UNC45B: variants seen among roughly 807,000 people sequenced by gnomAD.
UNC45B encodes protein unc-45 homolog B.
In UNC45B, 78 loss-of-function variants were observed where a neutral mutation model predicts 98.7. The observed-to-expected ratio is 0.79, with a 90% confidence interval of 0.66 to 0.95. The LOEUF (loss-of-function observed/expected upper bound fraction) is 0.95, where lower values mean the gene tolerates loss of function less well. UNC45B is among the 40% of genes least tolerant of loss of function. UNC45B has a pLI of 0.00. For missense variants in UNC45B, 1,225 were observed against 1,184.9 expected, an observed-to-expected ratio of 1.03 and a Z score of -0.50; for synonymous variants, 462 against 480.4, an observed-to-expected ratio of 0.96 and a Z score of 0.50.
chr17:35,152,807 T>G (rs936772710), intron 4 of UNC45B, 86 bp from the exon 5 acceptor site: 4 of 1,003,084 alleles, frequency 4.0e-6, no homozygotes, highest in Non-Finnish European at 6.4e-6. Context: ...AGTAGACACC[T>G]GATATTTACT....
intron 3 of UNC45B, 103 bp from the exon 4 acceptor site, chr17:35,149,945 C>A: frequency 8.0e-7 from 1 of 1,249,174 alleles, no homozygotes; most frequent in Non-Finnish European, 1.1e-6. Flanking sequence ...CCAAGGAAGA[C>A]ACAGAAACGA....
intron 7 of UNC45B, among the ~76,000 whole-genome samples, chr17:35,157,011 G>A (rs1453444127): frequency 6.6e-6 from 1 of 152,104 alleles, no homozygotes; most frequent in Non-Finnish European, 1.5e-5. Context: ...CAGGTCCTAG[G>A]CATCAATTTA....
intron 3 of UNC45B, 90 bp downstream of exon 3, chr17:35,149,099 C>T (rs577110242): frequency 2.2e-4 from 319 of 1,465,076 alleles, no homozygotes; most frequent in Non-Finnish European, 3.0e-4. Context: ...GGGGAAGAAA[C>T]AGTGAGTATG....
chr17:35,148,732 G>A (rs1187089154), intron 2 of UNC45B, among the ~76,000 whole-genome samples: 2 of 151,946 alleles, frequency 1.3e-5, no homozygotes, highest in South Asian at 2.1e-4. Flanking sequence ...GGGATCCAGA[G>A]GGCTTCATTC....
rs775210912 is a variant in UNC45B, at chr17:35,148,400, A to T, written c.137A>T (p.Tyr46Phe). 2 of 1,613,850 alleles carry T rather than the reference A, an allele frequency of 1.2e-6. No homozygotes were observed. Among genetic ancestry groups the T allele is most frequent in the African/African-American group, 1.3e-5 (1 of 74,928 alleles). The change falls in exon 2 of 20, where the codon TAT (tyrosine) becomes TTT (phenylalanine). Residue 46 changes from tyrosine to phenylalanine, a missense_variant. Tyr to Phe is a conservative substitution (Grantham distance 22). Coordinates refer to ENST00000394570, the MANE Select transcript of UNC45B (RefSeq NM_001267052.2). ...GACAAGGCCCTGCTGGCCACGCTTT[A>T]TCGGAACCGGGCAGCCTGTGGCCTG... is the stretch of plus-strand genomic sequence containing the variant. ...TKDKALLATLYRNRAACGLKT... is the reference protein window; with the variant it reads ...TKDKALLATLFRNRAACGLKT...
In UNC45B at chr17:35,171,481, C is replaced by T. The variant is rs747117947; in HGVS notation, c.1830+19C>T. ...CCCCAAGGTAGGGTCAGGCGCGACCCGGGAGGGGTCTGGTCTGTGCCACTA... is the reference window on the plus strand; with the variant it reads ...CCCCAAGGTAGGGTCAGGCGCGACCTGGGAGGGGTCTGGTCTGTGCCACTA... On this transcript the variant is annotated intron_variant, in intron 13 of 19. Transcript: ENST00000394570. The T allele has an allele frequency of 4.0e-5, 65 of 1,612,412 alleles. No homozygotes were observed. Among genetic ancestry groups the T allele is most frequent in the Middle Eastern group, 1.6e-4 (1 of 6,070 alleles).
chr17:35,179,283 T>C (rs1323836963), intron 17 of UNC45B, among the ~76,000 whole-genome samples: 1 of 152,218 alleles, frequency 6.6e-6, no homozygotes, highest in East Asian at 1.9e-4. Context: ...CCCTTGTAAA[T>C]TGGATTCCTA....
At position 35,180,253 on chromosome 17, in the gene UNC45B, T is replaced by TGAGAGA. The variant is rs56300196; in HGVS notation, c.2256-275_2256-270dup. On this transcript the variant is annotated intron_variant, in intron 17 of 19. Transcript: ENST00000394570. ...CATCTTCTTGGATCTACATCCAGGA[T>TGAGAGA]GAGAGAGAGAGAGAGAGAGAGAGAG... 0.059 allele frequency among the ~76,000 whole-genome samples: 8,241 copies of TGAGAGA among 139,832 alleles called. 301 individuals are homozygous for TGAGAGA. The highest frequency in any genetic ancestry group is 0.077 in the Middle Eastern group (22 of 284). The allele number at this position is 139,832 out of a possible 152,430, so 91.7% of individuals were successfully genotyped here. A position where few individuals can be genotyped will look rare whatever the true frequency, so the allele number is the denominator to read the frequency against.
intron 9 of UNC45B, among the ~76,000 whole-genome samples, chr17:35,166,231 G>A (rs933557967): frequency 6.6e-6 from 1 of 151,888 alleles, no homozygotes; most frequent in African/African-American, 2.4e-5. Flanking sequence ...ATGCACTACT[G>A]CACTCCAGCC....
rs75907488 is a variant in UNC45B at position 35,170,346 on chromosome 17, G to A, written c.1689+91G>A. 3,008 of 1,402,828 alleles carry A rather than the reference G, an allele frequency of 2.1e-3. 44 individuals carry two copies. The East Asian group carries it at 0.033, about 16-fold the overall frequency. 86.9% of individuals were successfully genotyped at this position (1,402,828 alleles called of 1,614,324 possible). On this transcript the variant is annotated intron_variant, in intron 12 of 19. Transcript: ENST00000394570. Reference sequence around the variant, plus strand: ...GGGAATGGATCCCAGTCTTCCTCCTGGCTCTACTCCTTACCCCTGTATAAA... The same window carrying A: ...GGGAATGGATCCCAGTCTTCCTCCTAGCTCTACTCCTTACCCCTGTATAAA...
intron 7 of UNC45B, among the ~76,000 whole-genome samples, chr17:35,155,986 G>T (rs375123878): frequency 6.6e-6 from 1 of 152,172 alleles, no homozygotes; most frequent in East Asian, 1.9e-4. Context: ...GCAAAATATG[G>T]TATATACATA....
rs55844448 is a variant in UNC45B at position 35,166,086 on chromosome 17, T to TAAAAAAAAAAAAAAAAAAAAAAAA, written c.1151+1922_1151+1945dup. ...GGCAATGTAGAGAGACCCTCATCTC[T>TAAAAAAAAAAAAAAAAAAAAAAAA]AAAAAAAAAAAAAAAAAAAAAAAAA... is the stretch of plus-strand genomic sequence containing the variant. On this transcript the variant is annotated intron_variant, in intron 9 of 19. Transcript: ENST00000394570. 3.1e-3 allele frequency among the ~76,000 whole-genome samples: 181 copies of TAAAAAAAAAAAAAAAAAAAAAAAA among 58,100 alleles called. 6 individuals carry two copies. The highest frequency in any genetic ancestry group is 3.5e-3 in the Non-Finnish European group (117 of 32,960). 38.1% of individuals were successfully genotyped at this position (58,100 alleles called of 152,430 possible).
intron 3 of UNC45B, among the ~76,000 whole-genome samples, chr17:35,149,589 G>A (rs1487446079): frequency 1.3e-5 from 2 of 152,150 alleles, no homozygotes; most frequent in African/African-American, 4.8e-5. Flanking sequence ...GCTAATTTTT[G>A]TATTTTTAGT....
chr17:35,176,047 G>A lies in UNC45B; in HGVS notation c.2025+13G>A, dbSNP rs1287926926. 23 of 1,613,628 alleles carry A rather than the reference G, an allele frequency of 1.4e-5. No individual in the cohort carries two copies. Among genetic ancestry groups the A allele is most frequent in the Non-Finnish European group, 1.9e-5 (23 of 1,179,752 alleles). ...AGGTGGTGGCAAGGTAACTGGGCAGGTGCCTTCCTAGAAGGTGCCTTTGTG... is the reference window on the plus strand; with the variant it reads ...AGGTGGTGGCAAGGTAACTGGGCAGATGCCTTCCTAGAAGGTGCCTTTGTG... On this transcript the variant is annotated intron_variant, in intron 15 of 19. Transcript: ENST00000394570.
chr17:35,166,893 C>G (rs1817694734), intron 9 of UNC45B: 1 of 152,244 alleles, frequency 6.6e-6, no homozygotes, highest in African/African-American at 2.4e-5. Context: ...TGCATTTATA[C>G]ACAGCTGCAT....
At position 35,164,106 on chromosome 17, in the gene UNC45B, A is replaced by G; in HGVS notation, c.1091A>G (p.Asp364Gly). Residue 364 changes from aspartate to glycine, a missense_variant, in exon 9 of 20, where the codon GAT becomes GGT. Asp to Gly is a moderately conservative substitution (Grantham distance 94). Transcript: ENST00000394570. The stretch of plus-strand genomic sequence containing the variant: ...TCTATCCTCATCAACAAGCTCTATG[A>G]TGACCTGCGCTGTGACCCGGAGCGC... ...LASILINKLY[D>G]DLRCDPERDH... 6.2e-7 allele frequency: 1 copy of G among 1,614,052 alleles called. No homozygotes were observed. Among genetic ancestry groups the G allele is most frequent in the Non-Finnish European group, 8.5e-7 (1 of 1,179,974 alleles).
At chr17:35,173,458 A>G (rs1237523255) in intron 13 of UNC45B, among the ~76,000 whole-genome samples, 6 of 152,056 alleles carry the variant, frequency 3.9e-5, no homozygotes, top group Admixed American at 3.9e-4. Flanking sequence ...CTGGAGGTCA[A>G]GAGTCCTAAA....
chr17:35,174,358 G>A lies in UNC45B; in HGVS notation c.1947G>A (p.Glu649=). 1 of 1,614,190 alleles carries A rather than the reference G, an allele frequency of 6.2e-7. No individual in the cohort carries two copies. The highest frequency in any genetic ancestry group is 8.5e-7 in the Non-Finnish European group (1 of 1,180,006). The change falls in exon 14 of 20, where the codon GAG becomes GAA. Residue 649 remains glutamate (E), a synonymous_variant. Coordinates refer to ENST00000394570, the MANE Select transcript of UNC45B (RefSeq NM_001267052.2). Reference sequence around the variant, plus strand: ...CCATCCTCACTGACCAGACCAAGGAGCTGCTGGCCAGGTGGGGCTGCAGTG... The same window carrying A: ...CCATCCTCACTGACCAGACCAAGGAACTGCTGGCCAGGTGGGGCTGCAGTG... ...DSAILTDQTK[E]LLARVFLALC... is the part of the protein sequence containing the mutation.
At position 35,159,428 on chromosome 17, in the gene UNC45B, A is replaced by T. The variant is rs185961738; in HGVS notation, c.862A>T (p.Ser288Cys). Reference protein sequence around the residue: ...ITSHLLDMLVSKKVSGQGRDQ... With the variant: ...ITSHLLDMLVCKKVSGQGRDQ... ...CAGCCACCTGCTGGACATGCTAGTC[A>T]GCAAGAAGGTGTCTGGCCAGGGCAG... The change falls in exon 8 of 20, where the codon AGC becomes TGC. Residue 288 changes from serine (S) to cysteine (C), a missense_variant. Ser to Cys is a moderately radical substitution (Grantham distance 112, BLOSUM62 -1). Transcript: ENST00000394570. 6.2e-7 allele frequency: 1 copy of T among 1,614,038 alleles called. No individual in the cohort carries two copies. The highest frequency in any genetic ancestry group is 1.3e-5 in the African/African-American group (1 of 74,936).
Sources: gnomAD v4.1 joint callset for allele counts (sites outside exome capture counted in the v4.1 genomes callset) on GRCh38, gnomAD v4.1.1 for gene constraint, MANE v1.5 for transcripts, NCBI Gene and HGNC (gene_info 2026-07-23, HGNC 2026-07-21) for gene names.